C7orf78: variants seen among roughly 807,000 people sequenced by gnomAD.
The protein encoded by C7orf78 is chromosome 7 open reading frame 78.
At chr7:12,536,689 C>G in the C7orf78 span, among the ~76,000 whole-genome samples, 1 of 152,240 alleles carries the variant, frequency 6.6e-6, no homozygotes, top group African/African-American at 2.4e-5. Context: ...CCTTATAAAA[C>G]TGAATGCCCT....
the C7orf78 span, among the ~76,000 whole-genome samples, chr7:12,508,393 C>T: frequency 1.4e-5 from 2 of 137,962 alleles, no homozygotes; most frequent in Non-Finnish European, 3.2e-5. Flanking sequence ...GATAACATTT[C>T]ATTGGAAAAA....
At chr7:12,486,286 T>C in the C7orf78 span, among the ~76,000 whole-genome samples, 1 of 152,094 alleles carries the variant, frequency 6.6e-6, no homozygotes, top group Non-Finnish European at 1.5e-5. Flanking sequence ...CTAGAAGTTA[T>C]ATAGTCCATG....
the C7orf78 span, chr7:12,540,777 A>G: frequency 6.6e-6 from 1 of 152,216 alleles, no homozygotes; most frequent in African/African-American, 2.4e-5. Context: ...TTATTTCTGT[A>G]GTGAATAAGA....
chr7:12,515,048 A>T, the C7orf78 span, among the ~76,000 whole-genome samples: 1 of 152,108 alleles, frequency 6.6e-6, no homozygotes, highest in African/African-American at 2.4e-5. Context: ...TGTTTTTATA[A>T]ACTTGTCTTT....
At chr7:12,538,087 T>G in the C7orf78 span, among the ~76,000 whole-genome samples, 1 of 152,338 alleles carries the variant, frequency 6.6e-6, no homozygotes, top group Admixed American at 6.5e-5. Context: ...GTTACATAGA[T>G]GCATTCACTT....
At chr7:12,509,335 G>A in the C7orf78 span, among the ~76,000 whole-genome samples, 2 of 152,122 alleles carry the variant, frequency 1.3e-5, no homozygotes. Flanking sequence ...CAGTAATTAG[G>A]TTTTTGCTTT....
chr7:12,523,345 A>G, the C7orf78 span: 1 of 398,452 alleles, frequency 2.5e-6, no homozygotes. Flanking sequence ...TGGATTTACA[A>G]AAAGCAAAGT....
chr7:12,514,966 G>A, the C7orf78 span, among the ~76,000 whole-genome samples: 1 of 152,122 alleles, frequency 6.6e-6, no homozygotes, highest in Non-Finnish European at 1.5e-5. Flanking sequence ...TTTCCTGTAA[G>A]GTTTCTGATG....
chr7:12,511,677 G>T, the C7orf78 span, among the ~76,000 whole-genome samples: 1 of 152,010 alleles, frequency 6.6e-6, no homozygotes, highest in Non-Finnish European at 1.5e-5. Flanking sequence ...TTCATTATTG[G>T]TGTATAGAAA....
the C7orf78 span, among the ~76,000 whole-genome samples, chr7:12,494,838 C>T: frequency 6.6e-6 from 1 of 152,192 alleles, no homozygotes; most frequent in African/African-American, 2.4e-5. Context: ...TGCTTTCAAA[C>T]TCAACCTACC....
the C7orf78 span, among the ~76,000 whole-genome samples, chr7:12,497,143 C>T: frequency 6.6e-6 from 1 of 151,960 alleles, no homozygotes; most frequent in South Asian, 2.1e-4. Context: ...GATTTTGGAC[C>T]AAAGAAGAGT....
chr7:12,508,764 C>T, the C7orf78 span, among the ~76,000 whole-genome samples: 1 of 152,176 alleles, frequency 6.6e-6, no homozygotes, highest in Non-Finnish European at 1.5e-5. Flanking sequence ...ACCATCTGAG[C>T]TCTGCTTCCT....
chr7:12,494,646 A>G, the C7orf78 span, among the ~76,000 whole-genome samples: 1 of 152,066 alleles, frequency 6.6e-6, no homozygotes, highest in Non-Finnish European at 1.5e-5. Flanking sequence ...CTGTGAATTG[A>G]CCTCTATTTC....
At chr7:12,538,710 T>G in the C7orf78 span, among the ~76,000 whole-genome samples, 5 of 152,070 alleles carry the variant, frequency 3.3e-5, no homozygotes, top group Non-Finnish European at 7.4e-5. Context: ...CTCATCAATT[T>G]CATTAATTCA....
At chr7:12,495,894 T>C in the C7orf78 span, among the ~76,000 whole-genome samples, 2 of 152,200 alleles carry the variant, frequency 1.3e-5, no homozygotes, top group African/African-American at 4.8e-5. Context: ...ACTTGTTGCG[T>C]TCCCAAATTT....
chr7:12,540,813 T>A, the C7orf78 span: 1 of 152,240 alleles, frequency 6.6e-6, no homozygotes, highest in Non-Finnish European at 1.5e-5. Context: ...CATCTAGCAT[T>A]TGCAGCCAAG....
the C7orf78 span, among the ~76,000 whole-genome samples, chr7:12,528,525 T>C: frequency 1.6e-3 from 64 of 39,204 alleles, 4 homozygotes; most frequent in South Asian, 6.0e-3. Context: ...GTCAGCTTTC[T>C]TAGTATATGC....
At chr7:12,534,454 C>G in the C7orf78 span, among the ~76,000 whole-genome samples, 2 of 152,080 alleles carry the variant, frequency 1.3e-5, no homozygotes, top group South Asian at 4.1e-4. Context: ...CACAAAAACA[C>G]TATCTATAAA....
At chr7:12,489,769 G>T in the C7orf78 span, among the ~76,000 whole-genome samples, 1 of 152,160 alleles carries the variant, frequency 6.6e-6, no homozygotes, top group Non-Finnish European at 1.5e-5. Context: ...TAGAATTTTA[G>T]AAGAGATATG....
Sources: allele counts gnomAD v4.1 joint callset (sites outside exome capture counted in the v4.1 genomes callset), GRCh38; gene constraint gnomAD v4.1.1; transcripts MANE v1.5; gene names NCBI Gene and HGNC (gene_info 2026-07-23, HGNC 2026-07-21).